The following IGSF22 variants were observed in gnomAD, a reference collection of about 807,000 sequenced individuals.
The protein encoded by IGSF22 is immunoglobulin superfamily member 22, also known as immunoglobulin superfamily, member 22.
IGSF22 carries 119 observed loss-of-function variants against 127.0 expected under a neutral mutation model. That is an observed-to-expected ratio of 0.94 (90% CI 0.81 to 1.09). The LOEUF is 1.09. IGSF22 is among the 50% of genes least tolerant of loss of function. The pLI is 0.00. For synonymous variants in IGSF22, 568 were observed against 664.7 expected, an observed-to-expected ratio of 0.85 and a Z score of 2.24; for missense variants, 1,518 against 1,716.6, an observed-to-expected ratio of 0.88 and a Z score of 2.04.
intron 11 of IGSF22, among the ~76,000 whole-genome samples, chr11:18,715,225 G>C (rs1164569914): frequency 1.3e-5 from 2 of 151,932 alleles, no homozygotes; most frequent in Non-Finnish European, 2.9e-5. Flanking sequence ...GGGGTGATCA[G>C]TGTCTAGGAG....
Position 18,716,880 on chromosome 11 carries a change from T to C in IGSF22, c.1094A>G (p.Lys365Arg). 1 of 1,614,212 alleles carries C rather than the reference T, an allele frequency of 6.2e-7. No individual in the cohort carries two copies. Among genetic ancestry groups the C allele is most frequent in the Non-Finnish European group, 8.5e-7 (1 of 1,180,032 alleles). ...EPNFVWKFNG[K>R]ELKRDDKYEI... ...ATACTTGTCATCCCTCTTCAGCTCC[T>C]TCCCATTGAACTTCCACACAAAGTT... The change falls in exon 10 of 23, where the codon AAG becomes AGG. Residue 365 changes from lysine to arginine, a missense_variant. This residue lies in a region of IGSF22 where 1,456 missense variants were observed against 1,644.9 expected (regional missense o/e 0.89). Transcript: ENST00000513874. The surrounding 1 kb of genome is among the most constrained non-coding windows in gnomAD (Gnocchi z 4.5).
intron 1 of IGSF22, among the ~76,000 whole-genome samples, chr11:18,725,862 G>T (rs1848643374): frequency 1.3e-5 from 2 of 152,198 alleles, no homozygotes; most frequent in African/African-American, 2.4e-5. Flanking sequence ...TGGCGTCCCA[G>T]AGGGCTCCAA....
Position 18,707,877 on chromosome 11 carries a change from G to A in IGSF22, c.3207C>T (p.Asp1069=). 1 of 1,614,184 alleles carries A rather than the reference G, an allele frequency of 6.2e-7. No individual in the cohort carries two copies. The highest frequency in any genetic ancestry group is 8.5e-7 in the Non-Finnish European group (1 of 1,180,020). ...QFLINSTKRS[D]SGVYRILLQN... ...GAAGCAAGATTCGGTACACCCCTGA[G>A]TCAGAGCGCTTGGTGCTATTAATGA... The change falls in exon 20 of 23, where the codon GAC becomes GAT. Residue 1069 remains aspartate, a synonymous_variant. Transcript: ENST00000513874.
chr11:18,717,180 G>T (rs1848478916), intron 9 of IGSF22, among the ~76,000 whole-genome samples, 180 bp from the exon 10 acceptor site: 1 of 152,162 alleles, frequency 6.6e-6, no homozygotes, highest in Non-Finnish European at 1.5e-5. Flanking sequence ...TATTCATGTG[G>T]TCTTCTCCCC....
chr11:18,709,677 G>T lies in IGSF22; in HGVS notation c.2708C>A (p.Pro903Gln). Residue 903 changes from proline to glutamine, a missense_variant, in exon 18 of 23, where the codon CCA becomes CAA. Physicochemically the swap from Pro to Gln is moderately conservative, Grantham distance 76. Around this residue, in one of 3 missense-constraint regions of IGSF22, gnomAD observed 1,456 missense variants for 1,644.9 expected, o/e 0.89. Coordinates refer to ENST00000513874, the MANE Select transcript of IGSF22 (RefSeq NM_173588.4). The surrounding 1 kb of genome is among the most constrained non-coding windows in gnomAD (Gnocchi z 4.8). ...SVVAKDPVKPPGLVQDLHVSD... is the reference protein window; with the variant it reads ...SVVAKDPVKPQGLVQDLHVSD... ...TACATGCAGGTCCTGGACCAGGCCT[G>T]GGGGTTCTGGGGTAGAACAGACATG... The T allele has an allele frequency of 6.2e-7, 1 of 1,613,272 alleles. No individual in the cohort carries two copies. Among genetic ancestry groups the T allele is most frequent in the South Asian group, 1.1e-5 (1 of 91,016 alleles).
In IGSF22 at chr11:18,713,925, G is replaced by C; in HGVS notation, c.2022C>G (p.Asp674Glu). Residue 674 changes from aspartate to glutamate, a missense_variant, in exon 14 of 23, where the codon GAC (aspartate) becomes GAG (glutamate). Around this residue, in one of 3 missense-constraint regions of IGSF22, gnomAD observed 1,456 missense variants for 1,644.9 expected, o/e 0.89. Coordinates refer to ENST00000513874, the MANE Select transcript of IGSF22 (RefSeq NM_173588.4). ...TGAGCTTGAGCAGGATGAGGCCGCTGTCTTCACGCACACAGTTGGAGATGG... is the reference window on the plus strand; with the variant it reads ...TGAGCTTGAGCAGGATGAGGCCGCTCTCTTCACGCACACAGTTGGAGATGG... ...LLTISNCVREDSGLILLKLKN... is the reference protein window; with the variant it reads ...LLTISNCVREESGLILLKLKN... 6.2e-7 allele frequency: 1 copy of C among 1,614,284 alleles called. No individual in the cohort carries two copies. Among genetic ancestry groups the C allele is most frequent in the Non-Finnish European group, 8.5e-7 (1 of 1,180,056 alleles).
chr11:18,717,795 C>A, intron 9 of IGSF22, 136 bp downstream of exon 9: 1 of 914,812 alleles, frequency 1.1e-6, no homozygotes, highest in Non-Finnish European at 1.7e-6. Flanking sequence ...CCTCCATTGA[C>A]TCCCATCCCC....
chr11:18,718,207 G>A, intron 8 of IGSF22, 114 bp from the exon 9 acceptor site: 1 of 933,074 alleles, frequency 1.1e-6, no homozygotes, highest in Non-Finnish European at 1.6e-6. Context: ...ACCCTCTAAA[G>A]ACAGAGATCC....
In IGSF22 at chr11:18,715,446, A is replaced by G. The variant is rs772828470; in HGVS notation, c.1517T>C (p.Ile506Thr). 5 of 1,610,986 alleles carry G rather than the reference A, an allele frequency of 3.1e-6. No individual in the cohort carries two copies. The highest frequency in any genetic ancestry group is 1.7e-5 in the Admixed American group (1 of 59,968). The change falls in exon 11 of 23, where the codon ATC becomes ACC. Residue 506 changes from isoleucine (I) to threonine (T), a missense_variant. Coordinates refer to ENST00000513874, the MANE Select transcript of IGSF22 (RefSeq NM_173588.4). ...GDPTEYYSTA[I>T]VTVEERLATV... ...GCGGGTGTTACCCTCCACAGTGACG[A>G]TGGCAGTACTGTAGTATTCAGTAGG...
intron 14 of IGSF22, 48 bp from the exon 15 acceptor site, chr11:18,712,432 A>G: frequency 6.7e-7 from 1 of 1,489,304 alleles, no homozygotes; most frequent in Non-Finnish European, 9.0e-7. Flanking sequence ...ACAAAGGATC[A>G]GAAGGGCCTC....
chr11:18,710,021 A>T (rs922970281), intron 17 of IGSF22, among the ~76,000 whole-genome samples: 6 of 152,090 alleles, frequency 3.9e-5, no homozygotes, highest in Non-Finnish European at 7.4e-5. Context: ...CCTAAATGCA[A>T]CACCCTCCAA....
chr11:18,717,386 G>T (rs1024287960), intron 9 of IGSF22, among the ~76,000 whole-genome samples: 1 of 151,882 alleles, frequency 6.6e-6, no homozygotes, highest in Admixed American at 6.6e-5. Context: ...GCAGAAAGCG[G>T]GATTTGACCT....
intron 11 of IGSF22, 76 bp downstream of exon 11, chr11:18,715,356 G>C: frequency 6.9e-7 from 1 of 1,457,362 alleles, no homozygotes; most frequent in South Asian, 1.3e-5. Context: ...GTGGGAGGGG[G>C]GCAATTGATG....
rs1848330496 is a variant in IGSF22 at position 18,710,406 on chromosome 11, G to T, written c.2622C>A (p.Phe874Leu). Residue 874 changes from phenylalanine to leucine, a missense_variant, in exon 17 of 23, where the codon TTC becomes TTA. By Grantham distance (22) the Phe-to-Leu change is conservative. Around this residue, in one of 3 missense-constraint regions of IGSF22, gnomAD observed 1,456 missense variants for 1,644.9 expected, o/e 0.89. Transcript: ENST00000513874. ...CTGCCTTATTTACAGCTATAACTCG[G>T]AATTCATATTCTGTGTCCTCCAGGA... The part of the protein sequence containing the change: ...DGLLEDTEYE[F>L]RVIAVNKAGP... 1 of 1,614,152 alleles carries T rather than the reference G, an allele frequency of 6.2e-7. No homozygotes were observed. Among genetic ancestry groups the T allele is most frequent in the Non-Finnish European group, 8.5e-7 (1 of 1,180,026 alleles).
chr11:18,714,842 G>T (rs973840460), intron 11 of IGSF22, among the ~76,000 whole-genome samples: 1 of 152,158 alleles, frequency 6.6e-6, no homozygotes, highest in Non-Finnish European at 1.5e-5. Context: ...GATGGGGAAA[G>T]GTCAGTGGCT....
chr11:18,715,465 C>T lies in IGSF22; in HGVS notation c.1498G>A (p.Glu500Lys). 1.2e-6 allele frequency: 2 copies of T among 1,613,382 alleles called. No homozygotes were observed. The highest frequency in any genetic ancestry group is 1.7e-6 in the Non-Finnish European group (2 of 1,179,934). Residue 500 changes from glutamate (E) to lysine (K), a missense_variant, in exon 11 of 23, where the codon GAA becomes AAA. By Grantham distance (56) the Glu-to-Lys change is moderately conservative (BLOSUM62 1). Transcript: ENST00000513874. ...GTGACGATGGCAGTACTGTAGTATT[C>T]AGTAGGGTCTCCATCCTGCATGGCC... ...VVAMQDGDPT[E>K]YYSTAIVTVE...
rs1848458992 is a variant in IGSF22 at position 18,716,126 on chromosome 11, C to T, written c.1247-410G>A. Among the ~76,000 whole-genome samples, 1 of 152,106 alleles carries T rather than the reference C, an allele frequency of 6.6e-6. No individual in the cohort carries two copies. The highest frequency in any genetic ancestry group is 1.5e-5 in the Non-Finnish European group (1 of 68,020). Reference sequence around the variant, plus strand: ...TCATTCTTTGAAAGCAGTATTACCTCTGCTGGGGATGTTCTCTACTCTCCC... The same window carrying T: ...TCATTCTTTGAAAGCAGTATTACCTTTGCTGGGGATGTTCTCTACTCTCCC... On this transcript the variant is annotated intron_variant, in intron 10 of 22. Coordinates refer to ENST00000513874, the MANE Select transcript of IGSF22 (RefSeq NM_173588.4). This position sits in a 1 kb window ranked among gnomAD's most constrained non-coding sequence, Gnocchi z 4.5.
intron 2 of IGSF22, among the ~76,000 whole-genome samples, 179 bp downstream of exon 2, chr11:18,723,949 C>G (rs1388709932): frequency 1.3e-5 from 2 of 152,220 alleles, no homozygotes; most frequent in African/African-American, 4.8e-5. Flanking sequence ...TGTTGAACAT[C>G]CAGCTGGCTG....
chr11:18,710,517 A>G, intron 16 of IGSF22, 62 bp from the exon 17 acceptor site: 1 of 1,604,908 alleles, frequency 6.2e-7, no homozygotes, highest in Middle Eastern at 1.9e-4. Context: ...AACAAGAGTG[A>G]GAGACATAGA....
Sources: allele counts gnomAD v4.1 joint callset (sites outside exome capture counted in the v4.1 genomes callset), GRCh38; gene constraint gnomAD v4.1.1; regional missense constraint gnomAD v4.1.1; non-coding constraint Gnocchi (gnomAD v3.1); transcripts MANE v1.5; gene names NCBI Gene and HGNC (gene_info 2026-07-23, HGNC 2026-07-21).